The following PIK3C2G variants were observed in gnomAD, a reference collection of about 807,000 sequenced individuals.
The protein encoded by PIK3C2G is phosphatidylinositol 3-kinase C2 domain-containing subunit gamma.
Under a neutral mutation model 181.1 loss-of-function variants are expected in PIK3C2G, and 168 were observed. That is an observed-to-expected ratio of 0.93 (90% confidence interval 0.82 to 1.05). The LOEUF is 1.05. Ranked by LOEUF, PIK3C2G falls within the 50% of genes least tolerant of loss-of-function variation. PIK3C2G has a pLI of 0.00. For missense variants in PIK3C2G, 1,869 were observed against 1,732.8 expected, an observed-to-expected ratio of 1.08 and a Z score of -1.40; for synonymous variants, 573 against 592.2, an observed-to-expected ratio of 0.97 and a Z score of 0.47.
intron 5 of PIK3C2G, among the ~76,000 whole-genome samples, chr12:18,306,974 G>T (rs73341276): frequency 4.0e-5 from 6 of 151,074 alleles, no homozygotes; most frequent in African/African-American, 1.5e-4. Flanking sequence ...TAAAACAAGC[G>T]TAAGTATTTA....
Position 18,610,697 on chromosome 12 carries a change from C to G in PIK3C2G, c.4182+1068C>G, listed in dbSNP as rs992185460. Among the ~76,000 whole-genome samples, 4 of 152,012 alleles carry G rather than the reference C, an allele frequency of 2.6e-5. No homozygotes were observed. In the South Asian group the frequency reaches 8.3e-4, roughly 32 times the overall value. ...GAGAATAGCAGTTTTTAAAGAAACC[C>G]TTACATTGCAAAATGAAGATTCAGT... On this transcript the variant is annotated intron_variant, in intron 31 of 32. Coordinates refer to ENST00000538779, the MANE Select transcript of PIK3C2G (RefSeq NM_001288772.2).
intron 24 of PIK3C2G, among the ~76,000 whole-genome samples, chr12:18,514,799 T>C (rs1465516084): frequency 6.6e-6 from 1 of 151,928 alleles, no homozygotes; most frequent in African/African-American, 2.4e-5. Context: ...GTGGTTAAAG[T>C]GGGCATCCTT....
rs12309230 is a variant in PIK3C2G, at chr12:18,350,419, T to C, written c.1625+3583T>C. ...CAGTAATACATATTATGTAATAAAG[T>C]ATATCTGTGCAAAAAATGATTTGAC... On this transcript the variant is annotated intron_variant, in intron 11 of 32. Transcript: ENST00000538779. Among the ~76,000 whole-genome samples the C allele has an allele frequency of 4.0e-3, 602 of 152,196 alleles. 1 individual carries two copies. The highest frequency in any genetic ancestry group is 0.014 in the African/African-American group (566 of 41,532).
At chr12:18,594,643 T>A in intron 30 of PIK3C2G, 74 bp downstream of exon 30, 1 of 673,016 alleles carries the variant, frequency 1.5e-6, no homozygotes. Flanking sequence ...ACAACTAATT[T>A]TTTTCAATTT....
chr12:18,705,458 A>G, the PIK3C2G span: 1 of 1,012,168 alleles, frequency 9.9e-7, no homozygotes, highest in Non-Finnish European at 1.5e-6. Context: ...AACTGAAAGT[A>G]CTTTTGAGTT....
At position 18,562,847 on chromosome 12, in the gene PIK3C2G, G is replaced by T. The variant is rs1468848099; in HGVS notation, c.3735G>T (p.Ser1245=). 1 of 1,606,128 alleles carries T rather than the reference G, an allele frequency of 6.2e-7. No homozygotes were observed. Among genetic ancestry groups the T allele is most frequent in the African/African-American group, 1.3e-5 (1 of 74,868 alleles). ...CCTGTTTGCTGAGTACAACTAGGTC[G>T]ATTGAAAGAGCAACAATTTTAGGGT... ...QESCLLSTTR[S]IERATILGFS... The change falls in exon 27 of 33, where the codon TCG becomes TCT. Residue 1245 remains serine, a synonymous_variant. Coordinates refer to ENST00000538779, the MANE Select transcript of PIK3C2G (RefSeq NM_001288772.2).
At chr12:18,487,096 T>TTTTTTGTGTGTGTGTG (rs71440368) in intron 18 of PIK3C2G, among the ~76,000 whole-genome samples, 9 of 142,106 alleles carry the variant, frequency 6.3e-5, no homozygotes, top group Non-Finnish European at 1.4e-4. Context: ...TTGAGGTATT[T>TTTTTTGTGTGTGTGTG]TGTGTGTGTG....
intron 5 of PIK3C2G, among the ~76,000 whole-genome samples, chr12:18,295,109 A>G (rs1467980951): frequency 6.8e-6 from 1 of 147,932 alleles, no homozygotes; most frequent in African/African-American, 2.4e-5. Flanking sequence ...TTTTATAATT[A>G]TTATTTTATA....
chr12:18,264,103 T>A (rs991223083), intron 1 of PIK3C2G, among the ~76,000 whole-genome samples: 14 of 152,184 alleles, frequency 9.2e-5, no homozygotes, highest in Admixed American at 9.2e-4. Flanking sequence ...GTAGAAAATA[T>A]ACCCTCTATT....
chr12:18,522,412 A>C (rs888006025), intron 24 of PIK3C2G, among the ~76,000 whole-genome samples: 11 of 151,988 alleles, frequency 7.2e-5, no homozygotes, highest in African/African-American at 2.4e-4. Flanking sequence ...AATAACTCCC[A>C]TTAGCAATTC....
chr12:18,680,351 T>C, the PIK3C2G span, among the ~76,000 whole-genome samples: 3 of 152,016 alleles, frequency 2.0e-5, no homozygotes, highest in African/African-American at 7.2e-5. Context: ...GGGACATGTT[T>C]TACATCCCTC....
At chr12:18,712,693 C>T in the PIK3C2G span, 6 of 957,938 alleles carry the variant, frequency 6.3e-6, no homozygotes, top group Non-Finnish European at 9.5e-6. Flanking sequence ...TAACTATATA[C>T]AACATGGATT....
At chr12:18,614,247 A>T (rs974053244) in intron 31 of PIK3C2G, among the ~76,000 whole-genome samples, 5 of 152,156 alleles carry the variant, frequency 3.3e-5, no homozygotes, top group Admixed American at 6.6e-5. Context: ...AGAATAAGAT[A>T]CAAAGCAAAG....
intron 18 of PIK3C2G, among the ~76,000 whole-genome samples, chr12:18,435,372 T>C (rs1223592229): frequency 6.6e-6 from 1 of 152,124 alleles, no homozygotes; most frequent in Admixed American, 6.6e-5. Context: ...TTCACTTTCA[T>C]TCTTACCTAT....
At chr12:18,508,090 G>C (rs1941957737) in intron 24 of PIK3C2G, among the ~76,000 whole-genome samples, 2 of 152,122 alleles carry the variant, frequency 1.3e-5, no homozygotes, top group Admixed American at 1.3e-4. Flanking sequence ...TTATTGATAG[G>C]ATGAATGAAA....
chr12:18,378,616 C>A (rs1294096404), intron 13 of PIK3C2G, among the ~76,000 whole-genome samples: 3 of 152,140 alleles, frequency 2.0e-5, no homozygotes, highest in African/African-American at 7.2e-5. Flanking sequence ...GCAATCTTCT[C>A]ATCTGACAAA....
At chr12:18,294,669 C>T (rs989027641) in intron 5 of PIK3C2G, among the ~76,000 whole-genome samples, 4 of 151,896 alleles carry the variant, frequency 2.6e-5, no homozygotes, top group African/African-American at 9.7e-5. Context: ...TTCCTACAGA[C>T]CAGTCTTGAA....
chr12:18,707,182 AC>A, the PIK3C2G span, among the ~76,000 whole-genome samples: 31 of 152,218 alleles, frequency 2.0e-4, no homozygotes, highest in African/African-American at 7.2e-4. Flanking sequence ...CTACAAAGAC[AC>A]TTTTTCCAAA....
intron 32 of PIK3C2G, 57 bp from the exon 33 acceptor site, chr12:18,647,819 A>G (rs1950227744): frequency 3.8e-6 from 4 of 1,058,222 alleles, no homozygotes; most frequent in Middle Eastern, 4.3e-4. Flanking sequence ...AATACTCAAA[A>G]AAGAGATGTA....
Sources: gnomAD v4.1 joint callset for allele counts (sites outside exome capture counted in the v4.1 genomes callset) on GRCh38, gnomAD v4.1.1 for gene constraint, MANE v1.5 for transcripts, NCBI Gene and HGNC (gene_info 2026-07-23, HGNC 2026-07-21) for gene names.